Variants in NRXN3 observed in about 807,000 individuals in gnomAD.
The protein encoded by NRXN3 is neurexin 3, also known as neurexin III.
NRXN3 carries 32 observed loss-of-function variants against 137.6 expected under a neutral mutation model. The observed-to-expected ratio is 0.23, with a 90% CI of 0.18 to 0.31. The LOEUF (loss-of-function observed/expected upper bound fraction) is 0.31. Among genes scored for constraint, NRXN3 ranks in the 10% least tolerant of loss-of-function variants. NRXN3 has a pLI of 1.00. For missense variants in NRXN3, 1,574 were observed against 2,062.5 expected (o/e 0.76, Z 4.59); for synonymous variants, 798 against 784.5 (o/e 1.02, Z -0.29).
intron 15 of NRXN3, among the ~76,000 whole-genome samples, chr14:79,120,929 C>A (rs1012061177): frequency 3.9e-5 from 6 of 152,068 alleles, no homozygotes; most frequent in African/African-American, 1.4e-4. Flanking sequence ...TCTAAGTAAT[C>A]TTATTGTATC....
At chr14:78,771,970 G>A (rs1271760141) in intron 8 of NRXN3, among the ~76,000 whole-genome samples, 1 of 152,034 alleles carries the variant, frequency 6.6e-6, no homozygotes, top group Non-Finnish European at 1.5e-5. Context: ...TCTTGGAGAT[G>A]GGACCCAAGT....
At chr14:79,020,282 C>G (rs2099587348) in intron 15 of NRXN3, among the ~76,000 whole-genome samples, 1 of 128,422 alleles carries the variant, frequency 7.8e-6, no homozygotes, top group Admixed American at 8.1e-5. Context: ...CCCTTCCCTT[C>G]TAGATGGATT....
At chr14:79,752,593 T>C (rs2099002039) in intron 19 of NRXN3, among the ~76,000 whole-genome samples, 1 of 152,126 alleles carries the variant, frequency 6.6e-6, no homozygotes, top group African/African-American at 2.4e-5. Flanking sequence ...ACTTAAATGT[T>C]AGACCTAAAA....
chr14:79,559,769 T>C (rs554182497), intron 16 of NRXN3, among the ~76,000 whole-genome samples: 1 of 152,144 alleles, frequency 6.6e-6, no homozygotes, highest in Non-Finnish European at 1.5e-5. Flanking sequence ...AATAAAATGA[T>C]GTTTGCTTGT....
In NRXN3 at chr14:79,681,183, G is replaced by A. The variant is rs142702817; in HGVS notation, c.3617-10990G>A. 3.6e-3 allele frequency among the ~76,000 whole-genome samples: 553 copies of A among 152,260 alleles called. 3 individuals carry two copies. The highest frequency in any genetic ancestry group is 4.1e-3 in the Non-Finnish European group (280 of 68,024). ...CATGTCTCCATCCTTGGACCCCTAA[G>A]ACTTTTGCCACACAAACTCCTTTGA... On this transcript the variant is annotated intron_variant, in intron 17 of 20. Coordinates refer to ENST00000335750, the MANE Select transcript of NRXN3 (RefSeq NM_001330195.2).
At chr14:78,810,023 G>A (rs79127361) in intron 9 of NRXN3, among the ~76,000 whole-genome samples, 2 of 147,694 alleles carry the variant, frequency 1.4e-5, no homozygotes, top group African/African-American at 2.5e-5. Context: ...AGCTTTTTTT[G>A]AAAAAAAAAA....
At position 79,852,674 on chromosome 14, in the gene NRXN3, A is replaced by G. The variant is rs1324547111; in HGVS notation, c.4094-8668A>G. Reference sequence around the variant, plus strand: ...GCACAATCTGTTTTTAATTTTGGCTATCACGAAAAGGGGAATTAACCAGCC... The same window carrying G: ...GCACAATCTGTTTTTAATTTTGGCTGTCACGAAAAGGGGAATTAACCAGCC... On this transcript the variant is annotated intron_variant, in intron 20 of 20. Coordinates refer to ENST00000335750, the MANE Select transcript of NRXN3 (RefSeq NM_001330195.2). 3.3e-5 allele frequency among the ~76,000 whole-genome samples: 5 copies of G among 152,210 alleles called. No individual in the cohort carries two copies. The East Asian group carries it at 9.7e-4, about 29-fold the overall frequency.
chr14:78,755,190 A>AT (rs34214778), intron 8 of NRXN3, among the ~76,000 whole-genome samples: 294 of 131,576 alleles, frequency 2.2e-3, no homozygotes, highest in East Asian at 3.8e-3. Context: ...TAGTTTTTGT[A>AT]TTTTTTTTTT....
chr14:79,401,675 C>T (rs1231850926), intron 15 of NRXN3, among the ~76,000 whole-genome samples: 1 of 152,100 alleles, frequency 6.6e-6, no homozygotes, highest in Non-Finnish European at 1.5e-5. Context: ...GGAGGTGTTG[C>T]TCTTTCAGCT....
At chr14:79,366,966 C>T (rs992455762) in intron 15 of NRXN3, among the ~76,000 whole-genome samples, 3 of 147,294 alleles carry the variant, frequency 2.0e-5, no homozygotes, top group Admixed American at 1.4e-4. Flanking sequence ...GAATTAAAAA[C>T]TCAGTCCCTT....
At chr14:78,903,260 C>T (rs867387160) in intron 10 of NRXN3, among the ~76,000 whole-genome samples, 12 of 150,606 alleles carry the variant, frequency 8.0e-5, no homozygotes, top group South Asian at 2.1e-4. Flanking sequence ...GAGATCCTCC[C>T]GCCTCAGTCT....
At chr14:78,389,627 T>C (rs2090491401) in intron 4 of NRXN3, among the ~76,000 whole-genome samples, 2 of 152,218 alleles carry the variant, frequency 1.3e-5, no homozygotes, top group Admixed American at 1.3e-4. Flanking sequence ...GAGCTTTTAA[T>C]TGATTAATAG....
intron 7 of NRXN3, among the ~76,000 whole-genome samples, chr14:78,710,947 AC>A (rs1418560377): frequency 4.6e-5 from 7 of 152,300 alleles, no homozygotes; most frequent in Non-Finnish European, 1.0e-4. Context: ...AATAGTGTCT[AC>A]CCTTTTACAC....
chr14:79,246,429 C>T (rs183747358), intron 15 of NRXN3, among the ~76,000 whole-genome samples: 127 of 152,254 alleles, frequency 8.3e-4, no homozygotes, highest in African/African-American at 1.8e-3. Context: ...TGACTCTGTC[C>T]GAGGTTCTGC....
chr14:79,815,289 G>T (rs1319277415), intron 20 of NRXN3, among the ~76,000 whole-genome samples: 1 of 152,128 alleles, frequency 6.6e-6, no homozygotes, highest in Non-Finnish European at 1.5e-5. Flanking sequence ...TTGAGCACGA[G>T]AATATCAAAT....
chr14:79,059,706 C>T (rs2099671770), intron 15 of NRXN3, among the ~76,000 whole-genome samples: 1 of 152,142 alleles, frequency 6.6e-6, no homozygotes, highest in South Asian at 2.1e-4. Context: ...TGACTCAAGT[C>T]ACAAGATAAC....
At chr14:78,239,021 A>G (rs570705223) in intron 1 of NRXN3, among the ~76,000 whole-genome samples, 7 of 152,320 alleles carry the variant, frequency 4.6e-5, no homozygotes, top group African/African-American at 1.2e-4. Flanking sequence ...GCATCCAGAG[A>G]GGCATGGGGG....
At chr14:79,755,257 T>C (rs946684454) in intron 19 of NRXN3, among the ~76,000 whole-genome samples, 2 of 152,192 alleles carry the variant, frequency 1.3e-5, no homozygotes, top group Admixed American at 6.5e-5. Context: ...GCTATGTAAA[T>C]GCCTGTTATA....
At chr14:79,328,148 AAAAAG>A (rs1451780292) in intron 15 of NRXN3, among the ~76,000 whole-genome samples, 3 of 152,326 alleles carry the variant, frequency 2.0e-5, no homozygotes, top group East Asian at 3.9e-4. Context: ...AAGGAAAAAG[AAAAAG>A]AAATTATTAT....
Sources: gnomAD v4.1 joint callset for allele counts (sites outside exome capture counted in the v4.1 genomes callset) on GRCh38, gnomAD v4.1.1 for gene constraint, MANE v1.5 for transcripts, NCBI Gene and HGNC (gene_info 2026-07-23, HGNC 2026-07-21) for gene names.